GPHN: variants seen among roughly 807,000 people sequenced by gnomAD.
GPHN encodes gephyrin.
A neutral mutation model predicts 95.5 loss-of-function variants in GPHN; 17 were observed. The observed-to-expected ratio is 0.18, with a 90% CI of 0.12 to 0.27. The LOEUF (loss-of-function observed/expected upper bound fraction) is 0.27. Ranked by LOEUF, GPHN falls within the 10% of genes least tolerant of loss-of-function variation. The pLI, the probability that GPHN is intolerant of heterozygous loss-of-function variation, is 1.00. For missense variants in GPHN, 660 were observed against 978.1 expected (o/e 0.67, Z 4.34); for synonymous variants, 320 against 322.5 (o/e 0.99, Z 0.08).
At chr14:67,090,787 C>A (rs1468409085) in intron 12 of GPHN, among the ~76,000 whole-genome samples, 3 of 151,990 alleles carry the variant, frequency 2.0e-5, no homozygotes, top group Non-Finnish European at 4.4e-5. Context: ...GGTTTTAGTA[C>A]CAGTTCCATC....
chr14:66,552,071 A>T (rs920328135), intron 1 of GPHN, among the ~76,000 whole-genome samples: 4 of 152,182 alleles, frequency 2.6e-5, no homozygotes, highest in Admixed American at 6.5e-5. Flanking sequence ...TAATCTAAAA[A>T]TCATGAAGTC....
chr14:67,235,714 C>CA, the GPHN span, among the ~76,000 whole-genome samples: 448 of 140,174 alleles, frequency 3.2e-3, no homozygotes, highest in Middle Eastern at 0.019. Flanking sequence ...GACTCCATCT[C>CA]AAAAAAAAAA....
At chr14:67,268,317 C>G in the GPHN span, among the ~76,000 whole-genome samples, 1 of 152,154 alleles carries the variant, frequency 6.6e-6, no homozygotes, top group East Asian at 1.9e-4. Flanking sequence ...AACTCTCATA[C>G]GATCGAATTC....
At chr14:66,713,751 TTTTTA>T (rs888586670) in intron 2 of GPHN, among the ~76,000 whole-genome samples, 1 of 151,902 alleles carries the variant, frequency 6.6e-6, no homozygotes, top group African/African-American at 2.4e-5. Context: ...TGTTGTTTTT[TTTTTA>T]TTTGTTTGTT....
chr14:67,640,075 A>G, the GPHN span, among the ~76,000 whole-genome samples: 5 of 152,136 alleles, frequency 3.3e-5, no homozygotes, highest in Non-Finnish European at 5.9e-5. Context: ...GATTTGGTGA[A>G]GTCCATAATG....
chr14:67,398,859 T>A, the GPHN span, among the ~76,000 whole-genome samples: 1 of 152,176 alleles, frequency 6.6e-6, no homozygotes, highest in African/African-American at 2.4e-5. Flanking sequence ...CCATGCCCGG[T>A]CCCTGTTTTG....
intron 1 of GPHN, among the ~76,000 whole-genome samples, chr14:66,614,612 A>C (rs1345786638): frequency 6.8e-6 from 1 of 147,732 alleles, no homozygotes; most frequent in Non-Finnish European, 1.5e-5. Flanking sequence ...GATGTCTAGC[A>C]CCACCAGTTC....
At chr14:67,528,553 C>T in the GPHN span, among the ~76,000 whole-genome samples, 1 of 152,182 alleles carries the variant, frequency 6.6e-6, no homozygotes, top group Non-Finnish European at 1.5e-5. Flanking sequence ...TAGGATGTTG[C>T]AAACTCTAAA....
rs911298908 is a variant in GPHN at position 66,958,273 on chromosome 14, T to C, written c.829-6918T>C. Among the ~76,000 whole-genome samples, 5 of 152,202 alleles carry C rather than the reference T, an allele frequency of 3.3e-5. No homozygotes were observed. The South Asian group carries it at 1.0e-3, about 32-fold the overall frequency. On this transcript the variant is annotated intron_variant, in intron 8 of 22. Transcript: ENST00000478722. Reference sequence around the variant, plus strand: ...ATAACAGTTTTGGCTTCAAAGTTGATTTTGTCTGATATTACTGTAGCTTCT... The same window carrying C: ...ATAACAGTTTTGGCTTCAAAGTTGACTTTGTCTGATATTACTGTAGCTTCT...
At chr14:67,412,429 C>T in the GPHN span, among the ~76,000 whole-genome samples, 2 of 152,186 alleles carry the variant, frequency 1.3e-5, no homozygotes, top group East Asian at 3.9e-4. Flanking sequence ...TCGAGGAACG[C>T]TTATCGAATT....
chr14:67,490,016 G>T, the GPHN span, among the ~76,000 whole-genome samples: 1 of 151,676 alleles, frequency 6.6e-6, no homozygotes, highest in East Asian at 1.9e-4. Flanking sequence ...TTCTGTCTAT[G>T]TGTCTGTTTC....
At chr14:66,776,135 A>G (rs1434851245) in intron 2 of GPHN, among the ~76,000 whole-genome samples, 1 of 152,170 alleles carries the variant, frequency 6.6e-6, no homozygotes, top group Non-Finnish European at 1.5e-5. Context: ...AAAGTCAAAC[A>G]TGTTTGCTGT....
chr14:67,651,060 T>TC, the GPHN span: 24 of 1,086,500 alleles, frequency 2.2e-5, no homozygotes, highest in African/African-American at 3.8e-4. Flanking sequence ...TTGTAAAGTT[T>TC]CCCCTCTATT....
chr14:67,142,923 C>T (rs2080575355), intron 17 of GPHN: 1 of 220,586 alleles, frequency 4.5e-6, no homozygotes, highest in Non-Finnish European at 9.1e-6. Flanking sequence ...GCTCATTTCT[C>T]AGGGCCTCAC....
At chr14:67,569,114 G>A in the GPHN span, 3 of 1,564,692 alleles carry the variant, frequency 1.9e-6, no homozygotes, top group East Asian at 6.7e-5. Flanking sequence ...CGGGCCCTGA[G>A]CTTCCTGAGA....
chr14:66,524,490 T>A (rs2058607316), intron 1 of GPHN, among the ~76,000 whole-genome samples: 1 of 152,090 alleles, frequency 6.6e-6, no homozygotes, highest in African/African-American at 2.4e-5. Flanking sequence ...AATCATTAAT[T>A]TAGTTTTTTA....
intron 1 of GPHN, among the ~76,000 whole-genome samples, chr14:66,527,736 T>C (rs571552851): frequency 6.6e-6 from 1 of 152,338 alleles, no homozygotes; most frequent in Admixed American, 6.5e-5. Flanking sequence ...CCAGTAGTCA[T>C]TCAGGGGCAG....
chr14:66,564,936 C>T (rs1027601463), intron 1 of GPHN, among the ~76,000 whole-genome samples: 3 of 152,092 alleles, frequency 2.0e-5, no homozygotes, highest in African/African-American at 7.2e-5. Flanking sequence ...TGTCCTTCTT[C>T]CTGTTGTGAT....
intron 5 of GPHN, among the ~76,000 whole-genome samples, chr14:66,898,582 T>G (rs1396358294): frequency 6.6e-6 from 1 of 151,858 alleles, no homozygotes; most frequent in Non-Finnish European, 1.5e-5. Context: ...GTTTCTCTGT[T>G]CTGTTCTATA....
Sources: gnomAD v4.1 joint callset for allele counts (sites outside exome capture counted in the v4.1 genomes callset) on GRCh38, gnomAD v4.1.1 for gene constraint, MANE v1.5 for transcripts, NCBI Gene and HGNC (gene_info 2026-07-23, HGNC 2026-07-21) for gene names.